The following PTGFRN variants were observed in gnomAD, a reference collection of about 807,000 sequenced individuals.
PTGFRN encodes the protein prostaglandin F2 receptor inhibitor, also known as prostaglandin F2 receptor negative regulator.
PTGFRN carries 35 observed loss-of-function variants against 83.2 expected under a neutral mutation model. That is an observed-to-expected ratio of 0.42 (90% CI 0.32 to 0.56). PTGFRN has a LOEUF of 0.56. Among genes scored for constraint, PTGFRN ranks in the 20% least tolerant of loss-of-function variants. PTGFRN has a pLI of 0.11. For missense variants in PTGFRN, 1,051 were observed against 1,179.5 expected, an observed-to-expected ratio of 0.89 and a Z score of 1.60; for synonymous variants, 519 against 498.6, an observed-to-expected ratio of 1.04 and a Z score of -0.55.
chr1:116,919,238 A>G (rs546513047), intron 1 of PTGFRN, among the ~76,000 whole-genome samples: 5 of 152,240 alleles, frequency 3.3e-5, no homozygotes, highest in Admixed American at 2.0e-4. Flanking sequence ...CATTAGCCCT[A>G]GGCGTTGTGG....
chr1:116,974,386 C>G, intron 7 of PTGFRN, 63 bp downstream of exon 7: 5 of 1,270,456 alleles, frequency 3.9e-6, no homozygotes, highest in Non-Finnish European at 5.7e-6. Flanking sequence ...TCATATCATC[C>G]GCACTGTGTT....
rs1229331614 is a variant in PTGFRN, at chr1:116,909,999, G to C, written c.-205G>C. 3 of 637,840 alleles carry C rather than the reference G, an allele frequency of 4.7e-6. No individual in the cohort carries two copies. Among genetic ancestry groups the C allele is most frequent in the Non-Finnish European group, 2.8e-6 (1 of 362,444 alleles). 39.5% of individuals were successfully genotyped at this position (637,840 alleles called of 1,614,324 possible). On this transcript the variant is annotated 5_prime_UTR_variant, in exon 1 of 9. Coordinates refer to ENST00000393203, the MANE Select transcript of PTGFRN (RefSeq NM_020440.4). The stretch of plus-strand genomic sequence containing the variant: ...CGGGCCCGGCCGGCTGGAGGAGGGA[G>C]GGAAGGAGGCGGGAGGGAGCGAGCG...
chr1:116,924,444 C>A (rs953769977), intron 1 of PTGFRN, among the ~76,000 whole-genome samples: 1 of 152,146 alleles, frequency 6.6e-6, no homozygotes, highest in Non-Finnish European at 1.5e-5. Context: ...CACACCCAAC[C>A]TGCATGTAGT....
At position 116,945,028 on chromosome 1, in the gene PTGFRN, G is replaced by C. The variant is rs773217656; in HGVS notation, c.768G>C (p.Gln256His). 8 of 1,613,784 alleles carry C rather than the reference G, an allele frequency of 5.0e-6. No homozygotes were observed. Among genetic ancestry groups the C allele is most frequent in the Middle Eastern group, 1.6e-4 (1 of 6,084 alleles). ...RCIVSEWIAEQGNWQEIQEKA... is the reference protein window; with the variant it reads ...RCIVSEWIAEHGNWQEIQEKA... ...TCGTCAGCGAGTGGATCGCCGAGCAGGGCAACTGGCAGGAAATCCAAGAAA... is the reference window on the plus strand; with the variant it reads ...TCGTCAGCGAGTGGATCGCCGAGCACGGCAACTGGCAGGAAATCCAAGAAA... Residue 256 changes from glutamine to histidine, a missense_variant, in exon 3 of 9, where the codon CAG (glutamine) becomes CAC (histidine). Around this residue, in one of 3 missense-constraint regions of PTGFRN, gnomAD observed 719 missense variants for 836.6 expected, o/e 0.86. Coordinates refer to ENST00000393203, the MANE Select transcript of PTGFRN (RefSeq NM_020440.4).
chr1:116,939,603 G>A (rs1650013682), intron 1 of PTGFRN, among the ~76,000 whole-genome samples: 1 of 152,178 alleles, frequency 6.6e-6, no homozygotes. Flanking sequence ...GACATGCCCT[G>A]GAGACATTTT....
intron 1 of PTGFRN, among the ~76,000 whole-genome samples, chr1:116,915,362 C>T (rs1047951512): frequency 6.6e-6 from 1 of 152,202 alleles, no homozygotes; most frequent in African/African-American, 2.4e-5. Context: ...GGCCGAAATG[C>T]AACTGCCTCT....
At chr1:116,984,542 T>G in intron 7 of PTGFRN, 138 bp from the exon 8 acceptor site, 3 of 744,870 alleles carry the variant, frequency 4.0e-6, no homozygotes, top group Non-Finnish European at 6.5e-6. Context: ...CATAGGGCTG[T>G]TGTGAGGATC....
At chr1:116,939,272 C>T (rs896339486) in intron 1 of PTGFRN, among the ~76,000 whole-genome samples, 2 of 152,256 alleles carry the variant, frequency 1.3e-5, no homozygotes, top group African/African-American at 2.4e-5. Context: ...AGCAGCGGTT[C>T]TCCATGAGAG....
intron 7 of PTGFRN, 146 bp from the exon 8 acceptor site, chr1:116,984,534 T>C: frequency 1.4e-6 from 1 of 704,528 alleles, no homozygotes; most frequent in Non-Finnish European, 2.3e-6. Flanking sequence ...GCCTTCATCA[T>C]AGGGCTGTTG....
rs575767914 is a variant in PTGFRN, at chr1:116,930,362, C to T, written c.50-11353C>T. Among the ~76,000 whole-genome samples the T allele has an allele frequency of 5.3e-5, 8 of 152,202 alleles. No homozygotes were observed. In the East Asian group the frequency reaches 7.7e-4, roughly 15 times the overall value. On this transcript the variant is annotated intron_variant, in intron 1 of 8. Transcript: ENST00000393203. ...ATAGGACTTTGCTGTGGTTTTGTCC[C>T]ATTCCCTCTTTTCTATACAGTAATC...
At chr1:116,928,978 CTCCAGACTTAAACA>C (rs1246459972) in intron 1 of PTGFRN, among the ~76,000 whole-genome samples, 3 of 152,152 alleles carry the variant, frequency 2.0e-5, no homozygotes, top group Non-Finnish European at 4.4e-5. Context: ...CCCCACTGAG[CTCCAGACTTAAACA>C]TCCAGCTGCC....
At chr1:116,931,317 C>T (rs1328691509) in intron 1 of PTGFRN, among the ~76,000 whole-genome samples, 5 of 152,176 alleles carry the variant, frequency 3.3e-5, no homozygotes, top group African/African-American at 9.7e-5. Context: ...CACTGTTCCA[C>T]ACCTCCTGAC....
At chr1:116,968,115 G>A (rs1243896251) in intron 6 of PTGFRN, among the ~76,000 whole-genome samples, 1 of 152,086 alleles carries the variant, frequency 6.6e-6, no homozygotes, top group Non-Finnish European at 1.5e-5. Context: ...TGATTTAAAA[G>A]TATTTAAACC....
intron 6 of PTGFRN, 130 bp from the exon 7 acceptor site, chr1:116,974,085 AC>A: frequency 1.6e-6 from 1 of 644,928 alleles, no homozygotes; most frequent in Non-Finnish European, 2.7e-6. Context: ...ACCTTGGAAC[AC>A]CTATTTTGTG....
intron 1 of PTGFRN, among the ~76,000 whole-genome samples, chr1:116,929,476 C>T (rs1018858883): frequency 3.3e-5 from 5 of 152,210 alleles, no homozygotes; most frequent in African/African-American, 4.8e-5. Context: ...AGGGCCCCTG[C>T]CCCCTCATTC....
intron 4 of PTGFRN, among the ~76,000 whole-genome samples, chr1:116,954,018 T>C (rs1032898215): frequency 7.2e-5 from 11 of 151,984 alleles, no homozygotes; most frequent in African/African-American, 2.7e-4. Flanking sequence ...CATGCCCGGC[T>C]AATTTTTTTT....
In PTGFRN at chr1:116,961,718, C is replaced by T. The variant is rs1247735626; in HGVS notation, c.1639+50C>T. The T allele has an allele frequency of 7.2e-6, 11 of 1,528,162 alleles. No homozygotes were observed. Among genetic ancestry groups the T allele is most frequent in the Non-Finnish European group, 9.7e-6 (11 of 1,128,528 alleles). The allele number at this position is 1,528,162 out of a possible 1,614,324, so 94.7% of individuals were successfully genotyped here. ...ATTTTTGTTTTGTCTTTGCTTAAGT[C>T]GTGCCGCTGTGTGTTGATGCACAGT... On this transcript the variant is annotated intron_variant, in intron 5 of 8. Coordinates refer to ENST00000393203, the MANE Select transcript of PTGFRN (RefSeq NM_020440.4). The surrounding 1 kb of genome is among the most constrained non-coding windows in gnomAD (Gnocchi z 5.4).
At chr1:116,925,808 T>C (rs1270162063) in intron 1 of PTGFRN, among the ~76,000 whole-genome samples, 4 of 152,184 alleles carry the variant, frequency 2.6e-5, no homozygotes, top group Admixed American at 6.5e-5. Context: ...TGTTAGCTCA[T>C]CAACTTTCCG....
intron 2 of PTGFRN, among the ~76,000 whole-genome samples, chr1:116,943,232 G>C (rs1272769436): frequency 2.0e-5 from 3 of 152,168 alleles, no homozygotes; most frequent in African/African-American, 7.2e-5. Context: ...CATTAAGGAG[G>C]TAATGAAACA....
Sources: gnomAD v4.1 joint callset for allele counts (sites outside exome capture counted in the v4.1 genomes callset) on GRCh38, gnomAD v4.1.1 for gene constraint, gnomAD v4.1.1 regional missense constraint, Gnocchi (gnomAD v3.1) non-coding constraint, MANE v1.5 for transcripts, NCBI Gene and HGNC (gene_info 2026-07-23, HGNC 2026-07-21) for gene names.